ANGPT1: variants seen among roughly 807,000 people sequenced by gnomAD.
ANGPT1 encodes angiopoietin 1, also known as angiopoietin-1.
ANGPT1 carries 17 observed loss-of-function variants against 62.2 expected under a neutral mutation model. The ratio of observed to expected loss-of-function variants is 0.27; its 90% CI spans 0.19 to 0.41. The LOEUF (loss-of-function observed/expected upper bound fraction) is 0.41, where lower values mean the gene tolerates loss of function less well. ANGPT1 is among the 10% of genes least tolerant of loss of function. The probability of loss-of-function intolerance (pLI) is 1.00; values close to 1 mark genes in which losing one functional copy is unlikely to be tolerated. For synonymous variants in ANGPT1, 199 were observed against 198.9 expected (o/e 1.00, Z 0.00); for missense variants, 478 against 594.9 (o/e 0.80, Z 2.04).
intron 1 of ANGPT1, among the ~76,000 whole-genome samples, chr8:107,447,193 T>C (rs1295996228): frequency 1.3e-5 from 2 of 152,172 alleles, no homozygotes; most frequent in Non-Finnish European, 2.9e-5. Context: ...CATGCCCTTT[T>C]CCCCTAGATT....
At chr8:107,303,094 C>T in intron 5 of ANGPT1, 146 bp downstream of exon 5, 1 of 888,172 alleles carries the variant, frequency 1.1e-6, no homozygotes, top group Non-Finnish European at 1.7e-6. Flanking sequence ...CTTTATGGAC[C>T]TGGGAAACAG....
intron 7 of ANGPT1, among the ~76,000 whole-genome samples, chr8:107,271,722 T>C (rs1442087571): frequency 6.6e-6 from 1 of 152,028 alleles, no homozygotes; most frequent in Admixed American, 6.6e-5. Context: ...TTAAGATCTA[T>C]GTTAATTTGA....
intron 1 of ANGPT1, among the ~76,000 whole-genome samples, chr8:107,473,567 T>C (rs759667976): frequency 1.6e-4 from 24 of 152,114 alleles, no homozygotes; most frequent in Non-Finnish European, 2.8e-4. Context: ...ACTGAATTTG[T>C]TAATAATTTT....
intron 5 of ANGPT1, among the ~76,000 whole-genome samples, chr8:107,302,252 G>T (rs1814608717): frequency 6.6e-6 from 1 of 151,892 alleles, no homozygotes; most frequent in Admixed American, 6.6e-5. Context: ...GGCCCCAGAG[G>T]AAATGGGGAT....
In ANGPT1 at chr8:107,260,716, G is replaced by A. The variant is rs958836237; in HGVS notation, c.1336+3505C>T. On this transcript the variant is annotated intron_variant, in intron 8 of 8. Transcript: ENST00000517746. Reference sequence around the variant, plus strand: ...TTGCAAGACCTGGATTCTTTCAAAGGGACATTTGATAAGGTAATGGCGTTT... The same window carrying A: ...TTGCAAGACCTGGATTCTTTCAAAGAGACATTTGATAAGGTAATGGCGTTT... 2.6e-5 allele frequency among the ~76,000 whole-genome samples: 4 copies of A among 152,026 alleles called. 1 individual carries two copies. Among genetic ancestry groups the A allele is most frequent in the African/African-American group, 4.8e-5 (2 of 41,394 alleles).
chr8:107,319,843 C>A (rs1055415199), intron 4 of ANGPT1, among the ~76,000 whole-genome samples: 1 of 151,842 alleles, frequency 6.6e-6, no homozygotes, highest in East Asian at 1.9e-4. Context: ...TTAGTTAGAA[C>A]GCTTAACAGT....
At chr8:107,370,096 T>C (rs914054033) in intron 1 of ANGPT1, among the ~76,000 whole-genome samples, 4 of 148,908 alleles carry the variant, frequency 2.7e-5, no homozygotes, top group African/African-American at 1.0e-4. Flanking sequence ...ATGATCATGC[T>C]ATTGTGTTCC....
chr8:107,276,781 G>A (rs1030330961), intron 7 of ANGPT1, among the ~76,000 whole-genome samples: 2 of 152,136 alleles, frequency 1.3e-5, no homozygotes, highest in African/African-American at 4.8e-5. Flanking sequence ...CATGTCTCTG[G>A]ATTCCCGATA....
intron 1 of ANGPT1, among the ~76,000 whole-genome samples, chr8:107,467,421 A>G (rs1209467511): frequency 6.6e-6 from 1 of 152,014 alleles, no homozygotes; most frequent in Non-Finnish European, 1.5e-5. Context: ...TAATATAGAT[A>G]AATTGAAAGA....
At chr8:107,417,713 T>C (rs1161308686) in intron 1 of ANGPT1, among the ~76,000 whole-genome samples, 1 of 152,222 alleles carries the variant, frequency 6.6e-6, no homozygotes, top group Non-Finnish European at 1.5e-5. Context: ...AGGAAATATC[T>C]GAAGGGCATA....
intron 1 of ANGPT1, among the ~76,000 whole-genome samples, chr8:107,406,017 T>C (rs1235928404): frequency 6.6e-6 from 1 of 151,952 alleles, no homozygotes; most frequent in South Asian, 2.1e-4. Flanking sequence ...CCAGTGATGT[T>C]TGAGAGTGTT....
chr8:107,430,553 A>G (rs759476288), intron 1 of ANGPT1, among the ~76,000 whole-genome samples: 13 of 152,218 alleles, frequency 8.5e-5, no homozygotes, highest in Non-Finnish European at 1.3e-4. Flanking sequence ...ACTTGTGACT[A>G]TGTTACCTTA....
chr8:107,306,739 CAGAT>C (rs1258853282), intron 4 of ANGPT1, among the ~76,000 whole-genome samples: 2 of 151,912 alleles, frequency 1.3e-5, no homozygotes, highest in African/African-American at 4.8e-5. Flanking sequence ...TGACACGAGA[CAGAT>C]AGATACAATA....
At chr8:107,432,163 G>A (rs561871370) in intron 1 of ANGPT1, among the ~76,000 whole-genome samples, 4 of 150,536 alleles carry the variant, frequency 2.7e-5, no homozygotes, top group South Asian at 2.1e-4. Context: ...AAACTGAACC[G>A]TAAAATCTTT....
chr8:107,402,568 T>C (rs149842328), intron 1 of ANGPT1, among the ~76,000 whole-genome samples: 1 of 152,294 alleles, frequency 6.6e-6, no homozygotes, highest in African/African-American at 2.4e-5. Context: ...TGTTAACTTG[T>C]TTAAGCCTCA....
At chr8:107,404,062 A>G (rs1817098246) in intron 1 of ANGPT1, among the ~76,000 whole-genome samples, 1 of 152,170 alleles carries the variant, frequency 6.6e-6, no homozygotes, top group African/African-American at 2.4e-5. Context: ...CTCCTGTGAG[A>G]ATGCCTTCCA....
chr8:107,429,468 C>T (rs1309121839), intron 1 of ANGPT1, among the ~76,000 whole-genome samples: 1 of 152,132 alleles, frequency 6.6e-6, no homozygotes, highest in Admixed American at 6.5e-5. Flanking sequence ...TGTCACTAAT[C>T]AATAATGACA....
At chr8:107,438,159 T>C (rs1425601956) in intron 1 of ANGPT1, among the ~76,000 whole-genome samples, 1 of 152,222 alleles carries the variant, frequency 6.6e-6, no homozygotes, top group Non-Finnish European at 1.5e-5. Flanking sequence ...GATAAGGAAA[T>C]GAGAAACTAC....
intron 7 of ANGPT1, among the ~76,000 whole-genome samples, chr8:107,282,065 T>C (rs1290352297): frequency 6.6e-6 from 1 of 150,766 alleles, no homozygotes; most frequent in Non-Finnish European, 1.5e-5. Flanking sequence ...GGGAGAAAAG[T>C]TGCAAGGGCT....
Sources: allele counts gnomAD v4.1 joint callset (sites outside exome capture counted in the v4.1 genomes callset), GRCh38; gene constraint gnomAD v4.1.1; transcripts MANE v1.5; gene names NCBI Gene and HGNC (gene_info 2026-07-23, HGNC 2026-07-21).